Variants in ZNF418 observed in about 807,000 individuals in gnomAD.
ZNF418 encodes the protein zinc finger protein 418.
ZNF418 carries 32 observed loss-of-function variants against 32.0 expected under a neutral mutation model. That is an observed-to-expected ratio of 1.00 (90% CI 0.75 to 1.34). The LOEUF (loss-of-function observed/expected upper bound fraction) is 1.34. Ranked by LOEUF, ZNF418 falls within the 40% of genes most tolerant of loss-of-function variation. The pLI is 0.00. For missense variants in ZNF418, 804 were observed against 812.5 expected, an observed-to-expected ratio of 0.99 and a Z score of 0.13; for synonymous variants, 276 against 270.7, an observed-to-expected ratio of 1.02 and a Z score of -0.19.
In ZNF418 at chr19:57,926,594, C is replaced by T. The variant is rs772673747; in HGVS notation, c.1587G>A (p.Arg529=). 39 of 1,613,950 alleles carry T rather than the reference C, an allele frequency of 2.4e-5. No homozygotes were observed. The highest frequency in any genetic ancestry group is 3.1e-5 in the Non-Finnish European group (36 of 1,180,036). The change falls in exon 4 of 6, where the codon CGG becomes CGA. Residue 529 remains arginine, a synonymous_variant. Coordinates refer to ENST00000396147, the MANE Select transcript of ZNF418 (RefSeq NM_133460.3). ...AAGGCCTTTCTCCAGTATGAACTCT[C>T]CGATGTCGAAGGAGGGAACAGCTTT... ...FPQSCSLLRH[R]RVHTGERPYE... is the part of the protein sequence containing the mutation.
At chr19:57,931,957 A>G (rs35666013) in intron 2 of ZNF418, among the ~76,000 whole-genome samples, 43,416 of 152,090 alleles carry the variant, frequency 0.29, 6,361 homozygotes, top group Non-Finnish European at 0.31. Flanking sequence ...TGGGGAAACA[A>G]TTGACACCTG....
rs750456980 is a variant in ZNF418 at position 57,926,335 on chromosome 19, C to G, written c.1846G>C (p.Gly616Arg). The change falls in exon 4 of 6, where the codon GGA becomes CGA. Residue 616 changes from glycine (G) to arginine (R), a missense_variant. Gly to Arg is a moderately radical substitution (Grantham distance 125). Around this residue, in one of 3 missense-constraint regions of ZNF418, gnomAD observed 475 missense variants for 458.6 expected, o/e 1.04. Transcript: ENST00000396147. ...CATTCGCTGCACTCGTAAGGCTTTC[C>G]TCGAGTATGAAGTCTCTGATGTTTA... is the stretch of plus-strand genomic sequence containing the variant. Reference protein sequence around the residue: ...HFKHQRLHTRGKPYECSECGK... With the variant: ...HFKHQRLHTRRKPYECSECGK... The G allele has an allele frequency of 3.1e-6, 5 of 1,611,344 alleles. No homozygotes were observed. In the South Asian group the frequency reaches 4.4e-5, roughly 14 times the overall value.
At position 57,927,989 on chromosome 19, in the gene ZNF418, T is replaced by C. The variant is rs2072321378; in HGVS notation, c.192A>G (p.Gln64=). The part of the protein sequence containing the change: ...EAPSKKSISI[Q]RVSQVSTPGA... Reference sequence around the variant, plus strand: ...CAGGAGTGCTGACCTGAGACACTCTTTGTATAGAAATGCTCTTCTTAGAAG... The same window carrying C: ...CAGGAGTGCTGACCTGAGACACTCTCTGTATAGAAATGCTCTTCTTAGAAG... Residue 64 remains glutamine (Q), a synonymous_variant, in exon 4 of 6, where the codon CAA becomes CAG. Coordinates refer to ENST00000396147, the MANE Select transcript of ZNF418 (RefSeq NM_133460.3). 6.3e-7 allele frequency: 1 copy of C among 1,597,006 alleles called. No homozygotes were observed. Among genetic ancestry groups the C allele is most frequent in the Admixed American group, 1.7e-5 (1 of 58,788 alleles).
chr19:57,929,162 C>A (rs1034983576), intron 3 of ZNF418, among the ~76,000 whole-genome samples: 2 of 152,136 alleles, frequency 1.3e-5, no homozygotes, highest in African/African-American at 4.8e-5. Context: ...CATCAGAGTA[C>A]AAGTGACAAG....
At chr19:57,929,360 A>C (rs1468197468) in intron 3 of ZNF418, among the ~76,000 whole-genome samples, 1 of 152,252 alleles carries the variant, frequency 6.6e-6, no homozygotes, top group African/African-American at 2.4e-5. Context: ...CATCAGGCTG[A>C]GCCTGGATTC....
In ZNF418 at chr19:57,926,187, T is replaced by C. The variant is rs2072208717; in HGVS notation, c.1994A>G (p.His665Arg). 7 of 1,613,740 alleles carry C rather than the reference T, an allele frequency of 4.3e-6. No individual in the cohort carries two copies. Among genetic ancestry groups the C allele is most frequent in the African/African-American group, 1.3e-5 (1 of 74,938 alleles). The change falls in exon 4 of 6, where the codon CAT (histidine) becomes CGT (arginine). Residue 665 changes from histidine (H) to arginine (R), a missense_variant. Around this residue, in one of 3 missense-constraint regions of ZNF418, gnomAD observed 475 missense variants for 458.6 expected, o/e 1.04. Transcript: ENST00000396147. ...ACTTCTTTCTGTGTGAACTCTCTGATGTCGAAGGAGAGAAGAGCTTCGATG... is the reference window on the plus strand; with the variant it reads ...ACTTCTTTCTGTGTGAACTCTCTGACGTCGAAGGAGAGAAGAGCTTCGATG... ...SFHRSSSLLR[H>R]QRVHTERSPY...
intron 3 of ZNF418, among the ~76,000 whole-genome samples, chr19:57,929,435 C>G (rs1354342720): frequency 6.6e-6 from 1 of 152,132 alleles, no homozygotes. Flanking sequence ...GTACATGGAA[C>G]CTGGATGATG....
intron 2 of ZNF418, 87 bp from the exon 3 acceptor site, chr19:57,930,641 C>G: frequency 1.3e-6 from 2 of 1,574,054 alleles, no homozygotes; most frequent in Non-Finnish European, 1.7e-6. Context: ...ACCCCCTTGC[C>G]CATCCTCCTC....
In ZNF418 at chr19:57,926,307, C is replaced by A. The variant is rs746649224; in HGVS notation, c.1874G>T (p.Gly625Val). 3 of 1,612,136 alleles carry A rather than the reference C, an allele frequency of 1.9e-6. No homozygotes were observed. Among genetic ancestry groups the A allele is most frequent in the Non-Finnish European group, 2.5e-6 (3 of 1,179,228 alleles). ...ACTGAAGGTTTCAGCAAAGGATTTC[C>A]CACATTCGCTGCACTCGTAAGGCTT... The part of the protein sequence containing the change: ...RGKPYECSEC[G>V]KSFAETFSLT... Residue 625 changes from glycine (G) to valine (V), a missense_variant, in exon 4 of 6, where the codon GGG (glycine) becomes GTG (valine). This residue lies in a region of ZNF418 where 475 missense variants were observed against 458.6 expected (regional missense o/e 1.04). Transcript: ENST00000396147.
At position 57,927,546 on chromosome 19, in the gene ZNF418, G is replaced by A. The variant is rs1385291955; in HGVS notation, c.635C>T (p.Ser212Phe). ...HYSCGECMKH[S>F]STKHVFVQQQ... ...TTGAACAAATACGTGTTTGGTGCTAGAATGTTTCATGCATTCTCCACAGCT... is the reference window on the plus strand; with the variant it reads ...TTGAACAAATACGTGTTTGGTGCTAAAATGTTTCATGCATTCTCCACAGCT... Residue 212 changes from serine to phenylalanine, a missense_variant, in exon 4 of 6, where the codon TCT (serine) becomes TTT (phenylalanine). Transcript: ENST00000396147. The A allele has an allele frequency of 6.2e-7, 1 of 1,614,224 alleles. No individual in the cohort carries two copies. The highest frequency in any genetic ancestry group is 1.7e-5 in the Admixed American group (1 of 60,026).
intron 4 of ZNF418, among the ~76,000 whole-genome samples, chr19:57,925,214 A>G (rs2072160805): frequency 6.6e-6 from 1 of 152,206 alleles, no homozygotes; most frequent in Non-Finnish European, 1.5e-5. Flanking sequence ...TAATCCCAGC[A>G]TTTTGGGAGG....
intron 4 of ZNF418, among the ~76,000 whole-genome samples, chr19:57,923,936 G>C (rs957747116): frequency 4.6e-5 from 7 of 151,480 alleles, no homozygotes; most frequent in Non-Finnish European, 1.0e-4. Context: ...AATATGTATA[G>C]TTTACAGAAT....
chr19:57,934,235 CT>C (rs1568555063), intron 1 of ZNF418: 7 of 1,044,020 alleles, frequency 6.7e-6, no homozygotes, highest in Middle Eastern at 4.6e-4. Context: ...CTGTGGGTTC[CT>C]TTTTTTGAGC....
rs2072281142 is a variant in ZNF418 at position 57,927,315 on chromosome 19, C to A, written c.866G>T (p.Gly289Val). 6.2e-7 allele frequency: 1 copy of A among 1,614,032 alleles called. No homozygotes were observed. Among genetic ancestry groups the A allele is most frequent in the East Asian group, 2.2e-5 (1 of 44,858 alleles). Residue 289 changes from glycine (G) to valine (V), a missense_variant, in exon 4 of 6, where the codon GGA (glycine) becomes GTA (valine). Around this residue, in one of 3 missense-constraint regions of ZNF418, gnomAD observed 22 missense variants for 49.0 expected, o/e 0.45. Coordinates refer to ENST00000396147, the MANE Select transcript of ZNF418 (RefSeq NM_133460.3). ...VHTGKRPYECGECGKSFSHKG... is the reference protein window; with the variant it reads ...VHTGKRPYECVECGKSFSHKG... ...ATGACTAAAAGATTTCCCACATTCT[C>A]CACATTCATAAGGTCTTTTCCCAGT...
At chr19:57,931,804 G>A (rs182900956) in intron 2 of ZNF418, among the ~76,000 whole-genome samples, 14 of 152,094 alleles carry the variant, frequency 9.2e-5, no homozygotes, top group Non-Finnish European at 1.3e-4. Context: ...TCAAACTCCT[G>A]GCCTCAAGCA....
At position 57,927,103 on chromosome 19, in the gene ZNF418, G is replaced by A. The variant is rs2072268130; in HGVS notation, c.1078C>T (p.His360Tyr). The A allele has an allele frequency of 6.2e-7, 1 of 1,614,104 alleles. No individual in the cohort carries two copies. Among genetic ancestry groups the A allele is most frequent in the Non-Finnish European group, 8.5e-7 (1 of 1,180,012 alleles). The change falls in exon 4 of 6, where the codon CAT becomes TAT. Residue 360 changes from histidine to tyrosine, a missense_variant. His to Tyr is a moderately conservative substitution (Grantham distance 83). Around this residue, in one of 3 missense-constraint regions of ZNF418, gnomAD observed 475 missense variants for 458.6 expected, o/e 1.04. Transcript: ENST00000396147. The part of the protein sequence containing the change: ...CFTQKGNLIQ[H>Y]QRGHTSERPY... ...CTTTCACTAGTGTGACCTCGTTGAT[G>A]TTGAATGAGATTGCCCTTCTGAGTA... is the stretch of plus-strand genomic sequence containing the variant.
At chr19:57,922,862 C>T (rs886790817) in intron 5 of ZNF418, among the ~76,000 whole-genome samples, 2 of 151,794 alleles carry the variant, frequency 1.3e-5, no homozygotes, top group Non-Finnish European at 2.9e-5. Flanking sequence ...ATTAGCTGTG[C>T]GTGGTGGCAC....
chr19:57,931,123 G>A (rs1184793062), intron 2 of ZNF418, among the ~76,000 whole-genome samples: 1 of 152,140 alleles, frequency 6.6e-6, no homozygotes, highest in Non-Finnish European at 1.5e-5. Context: ...GACAGCTAAT[G>A]CCTGTGGTAT....
At position 57,926,307 on chromosome 19, in the gene ZNF418, CCA is replaced by C. The variant is rs2072218584; in HGVS notation, c.1872_1873del (p.Cys624TrpfsTer6). ...ACTGAAGGTTTCAGCAAAGGATTTC[CCA>C]CATTCGCTGCACTCGTAAGGCTTTC... On this transcript the variant is annotated frameshift_variant, in exon 4 of 6. Coordinates refer to ENST00000396147, the MANE Select transcript of ZNF418 (RefSeq NM_133460.3). LOFTEE classifies it low-confidence loss of function (END_TRUNC). 1.2e-6 allele frequency: 2 copies of C among 1,612,134 alleles called. No homozygotes were observed. Among genetic ancestry groups the C allele is most frequent in the African/African-American group, 2.7e-5 (2 of 74,360 alleles).
Sources: gnomAD v4.1 joint callset for allele counts (sites outside exome capture counted in the v4.1 genomes callset) on GRCh38, gnomAD v4.1.1 for gene constraint, gnomAD v4.1.1 regional missense constraint, MANE v1.5 for transcripts, NCBI Gene and HGNC (gene_info 2026-07-23, HGNC 2026-07-21) for gene names.